The following MAP3K10 variants were observed in gnomAD, a reference collection of about 807,000 sequenced individuals.
MAP3K10 encodes MKN28 derived nonreceptor_type serine/threonine kinase.
Under a neutral mutation model 75.0 loss-of-function variants are expected in MAP3K10, and 22 were observed. That is an observed-to-expected ratio of 0.29 (90% confidence interval 0.21 to 0.42). The LOEUF is 0.42. Among genes scored for constraint, MAP3K10 ranks in the 10% least tolerant of loss-of-function variants. MAP3K10 has a pLI of 1.00. For synonymous variants in MAP3K10, 599 were observed against 612.9 expected (o/e 0.98, Z 0.34); for missense variants, 1,165 against 1,379.8 (o/e 0.84, Z 2.47).
chr19:40,206,049 T>C lies in MAP3K10; in HGVS notation c.1327T>C (p.Cys443Arg). 6.2e-7 allele frequency: 1 copy of C among 1,613,488 alleles called. No homozygotes were observed. ...IVERELHLLM[C>R]QLSQEKPRVR... is the part of the protein sequence containing the mutation. Reference sequence around the variant, plus strand: ...GGAACGGGAGCTGCACCTGCTCATGTGCCAGCTGAGCCAGGAGAAGCCCCG... The same window carrying C: ...GGAACGGGAGCTGCACCTGCTCATGCGCCAGCTGAGCCAGGAGAAGCCCCG... The change falls in exon 5 of 10, where the codon TGC becomes CGC. Residue 443 changes from cysteine (C) to arginine (R), a missense_variant. Physicochemically the swap from Cys to Arg is radical, Grantham distance 180. Transcript: ENST00000253055.
At position 40,213,815 on chromosome 19, in the gene MAP3K10, C is replaced by G; in HGVS notation, c.2136C>G (p.Pro712=). ...QRRWLDGLFF[P]RAGRFPRGLS... ...GCTGGCTCGACGGCCTCTTCTTTCCCCGCGCCGGCCGCTTCCCGCGGGGCC... is the reference window on the plus strand; with the variant it reads ...GCTGGCTCGACGGCCTCTTCTTTCCGCGCGCCGGCCGCTTCCCGCGGGGCC... Residue 712 remains proline (P), a synonymous_variant, in exon 9 of 10, where the codon CCC becomes CCG. Transcript: ENST00000253055. The surrounding 1 kb of genome is among the most constrained non-coding windows in gnomAD (Gnocchi z 5.7). 2 of 1,293,786 alleles carry G rather than the reference C, an allele frequency of 1.5e-6. No homozygotes were observed. Among genetic ancestry groups the G allele is most frequent in the East Asian group, 7.8e-5 (2 of 25,658 alleles). The allele number at this position is 1,293,786 out of a possible 1,614,324, so 80.1% of individuals were successfully genotyped here.
At position 40,213,108 on chromosome 19, in the gene MAP3K10, G is replaced by A. The variant is rs1973271442; in HGVS notation, c.1757G>A (p.Trp586Ter). Residue 586 changes from tryptophan (W) to a stop codon, truncating the protein, a stop_gained, in exon 8 of 10, where the codon TGG (tryptophan) becomes TAG (stop). Transcript: ENST00000253055. LOFTEE classifies it high-confidence loss of function. This position sits in a 1 kb window ranked among gnomAD's most constrained non-coding sequence, Gnocchi z 5.7. ...LKGLGEGSKQ[W>*]SSSAPNLGKS... is the part of the protein sequence containing the mutation. ...GGGCTGGGGGAAGGAAGCAAACAGT[G>A]GTCATCAAGTGCCCCCAACCTGGGC... 2 of 1,605,690 alleles carry A rather than the reference G, an allele frequency of 1.2e-6. No individual in the cohort carries two copies. The highest frequency in any genetic ancestry group is 1.7e-6 in the Non-Finnish European group (2 of 1,176,900).
chr19:40,212,840 A>G lies in MAP3K10; in HGVS notation c.1588A>G (p.Ser530Gly). 2 of 1,603,216 alleles carry G rather than the reference A, an allele frequency of 1.2e-6. No individual in the cohort carries two copies. ...GGACTGTGGTGGCAGCAGCAGTGGCAGCAGCAGTGGAGGAAGTGGGACATG... is the reference window on the plus strand; with the variant it reads ...GGACTGTGGTGGCAGCAGCAGTGGCGGCAGCAGTGGAGGAAGTGGGACATG... The part of the protein sequence containing the change: ...PVDCGGSSSG[S>G]SSGGSGTWSR... The change falls in exon 7 of 10, where the codon AGC (serine) becomes GGC (glycine). Residue 530 changes from serine to glycine, a missense_variant. Physicochemically the swap from Ser to Gly is moderately conservative, Grantham distance 56. This residue lies in a region of MAP3K10 where 575 missense variants were observed against 793.2 expected (regional missense o/e 0.72). Transcript: ENST00000253055. This position sits in a 1 kb window ranked among gnomAD's most constrained non-coding sequence, Gnocchi z 4.2.
At position 40,215,521 on chromosome 19, in the gene MAP3K10, G is replaced by A. The variant is rs2145104739; in HGVS notation, c.*229G>A. On this transcript the variant is annotated 3_prime_UTR_variant, in exon 10 of 10. Coordinates refer to ENST00000253055, the MANE Select transcript of MAP3K10 (RefSeq NM_002446.4). ...GTGGGCAGGGATACTCAGGGACAGG[G>A]CATCATGGGGGATTTGGCACAAAAT... The A allele has an allele frequency of 1.8e-6, 1 of 545,678 alleles. No individual in the cohort carries two copies. Among genetic ancestry groups the A allele is most frequent in the Non-Finnish European group, 3.3e-6 (1 of 307,052 alleles). 33.8% of individuals were successfully genotyped at this position (545,678 alleles called of 1,614,324 possible). A position where few individuals can be genotyped will look rare whatever the true frequency, so the allele number is the denominator to read the frequency against.
chr19:40,201,070 C>G (rs1006384321), intron 2 of MAP3K10, among the ~76,000 whole-genome samples: 1 of 152,084 alleles, frequency 6.6e-6, no homozygotes, highest in Non-Finnish European at 1.5e-5. Flanking sequence ...GTGGATCATG[C>G]TACCCTCCAG....
intron 5 of MAP3K10, 23 bp downstream of exon 5, chr19:40,206,180 C>T (rs765702617): frequency 6.4e-6 from 10 of 1,571,954 alleles, no homozygotes; most frequent in Non-Finnish European, 7.8e-6. Flanking sequence ...GTCCCCAGAG[C>T]GCCCCCCAAG....
Position 40,213,860 on chromosome 19 carries a change from C to G in MAP3K10, c.2181C>G (p.Pro727=). The change falls in exon 9 of 10, where the codon CCC becomes CCG. Residue 727 remains proline, a synonymous_variant. Transcript: ENST00000253055. The surrounding 1 kb of genome is among the most constrained non-coding windows in gnomAD (Gnocchi z 5.7). The part of the protein sequence containing the change: ...FPRGLSPPAR[P]HGRREDVGPG... ...GGGGCCTCAGCCCACCCGCGCGTCCCCACGGCCGCCGCGAAGACGTGGGCC... is the reference window on the plus strand; with the variant it reads ...GGGGCCTCAGCCCACCCGCGCGTCCGCACGGCCGCCGCGAAGACGTGGGCC... 1 of 1,401,044 alleles carries G rather than the reference C, an allele frequency of 7.1e-7. No homozygotes were observed. The highest frequency in any genetic ancestry group is 9.2e-7 in the Non-Finnish European group (1 of 1,083,982). The allele number at this position is 1,401,044 out of a possible 1,614,324, so 86.8% of individuals were successfully genotyped here. A position where few individuals can be genotyped will look rare whatever the true frequency, so the allele number is the denominator to read the frequency against.
rs200291216 is a variant in MAP3K10 at position 40,213,621 on chromosome 19, G to A, written c.1942G>A (p.Ala648Thr). 9.7e-4 allele frequency: 1,497 copies of A among 1,545,090 alleles called. 10 individuals are homozygous for A. The African/African-American group carries it at 0.017, about 17-fold the overall frequency. The change falls in exon 9 of 10, where the codon GCG (alanine) becomes ACG (threonine). Residue 648 changes from alanine to threonine, a missense_variant. Ala to Thr is a moderately conservative substitution (Grantham distance 58, BLOSUM62 0). This residue lies in a region of MAP3K10 where 590 missense variants were observed against 586.6 expected (regional missense o/e 1.01). Coordinates refer to ENST00000253055, the MANE Select transcript of MAP3K10 (RefSeq NM_002446.4). The surrounding 1 kb of genome is among the most constrained non-coding windows in gnomAD (Gnocchi z 5.7). ...VPLPAEPSPGARAPWEPTPSA... is the reference protein window; with the variant it reads ...VPLPAEPSPGTRAPWEPTPSA... ...ACTGCCTGCCGAGCCCTCCCCGGGGGCGCGGGCGCCGTGGGAGCCGACGCC... is the reference window on the plus strand; with the variant it reads ...ACTGCCTGCCGAGCCCTCCCCGGGGACGCGGGCGCCGTGGGAGCCGACGCC...
Position 40,205,143 on chromosome 19 carries a change from C to A in MAP3K10, c.1035C>A (p.His345Gln). 1 of 1,613,428 alleles carries A rather than the reference C, an allele frequency of 6.2e-7. No individual in the cohort carries two copies. The change falls in exon 4 of 10, where the codon CAC becomes CAA. Residue 345 changes from histidine (H) to glutamine (Q), a missense_variant. His to Gln is a conservative substitution (Grantham distance 24). This residue lies in a region of MAP3K10 where 575 missense variants were observed against 793.2 expected (regional missense o/e 0.72). Transcript: ENST00000253055. This position sits in a 1 kb window ranked among gnomAD's most constrained non-coding sequence, Gnocchi z 4.3. ...CAGAATGCTGGGACCCAGACCCCCACGGGCGGCCAGATTTCGGTAGCATCT... is the reference window on the plus strand; with the variant it reads ...CAGAATGCTGGGACCCAGACCCCCAAGGGCGGCCAGATTTCGGTAGCATCT... ...LLEECWDPDP[H>Q]GRPDFGSILK...
chr19:40,204,828 G>C lies in MAP3K10; in HGVS notation c.1012+195G>C. On this transcript the variant is annotated intron_variant, in intron 3 of 9. Transcript: ENST00000253055. This position sits in a 1 kb window ranked among gnomAD's most constrained non-coding sequence, Gnocchi z 4.3. ...CACATCCCAGCCCTTGTTTGGGCCAGGCCCAGAGCTCTCAGGACAACCTGT... is the reference window on the plus strand; with the variant it reads ...CACATCCCAGCCCTTGTTTGGGCCACGCCCAGAGCTCTCAGGACAACCTGT... The C allele has an allele frequency of 1.4e-6, 1 of 696,992 alleles. No individual in the cohort carries two copies. The highest frequency in any genetic ancestry group is 2.3e-6 in the Non-Finnish European group (1 of 427,128). The allele number at this position is 696,992 out of a possible 1,614,324, so 43.2% of individuals were successfully genotyped here.
chr19:40,192,491 C>A lies in MAP3K10; in HGVS notation c.460C>A (p.His154Asn). 1 of 1,613,846 alleles carries A rather than the reference C, an allele frequency of 6.2e-7. No homozygotes were observed. The highest frequency in any genetic ancestry group is 8.5e-7 in the Non-Finnish European group (1 of 1,179,990). ...QEARLFGALQ[H>N]PNIIALRGAC... The stretch of plus-strand genomic sequence containing the variant: ...AGCCCGGCTCTTTGGAGCCCTGCAG[C>A]ACCCCAACATAATTGCCCTTAGGGG... The change falls in exon 1 of 10, where the codon CAC becomes AAC. Residue 154 changes from histidine to asparagine, a missense_variant. Physicochemically the swap from His to Asn is moderately conservative, Grantham distance 68. Around this residue, in one of 2 missense-constraint regions of MAP3K10, gnomAD observed 575 missense variants for 793.2 expected, o/e 0.72. Transcript: ENST00000253055. The surrounding 1 kb of genome is among the most constrained non-coding windows in gnomAD (Gnocchi z 7.1).
In MAP3K10 at chr19:40,214,002, T is replaced by TGCCCCCCCCC; in HGVS notation, c.2323_2324insGCCCCCCCCC (p.Ser775CysfsTer80). The TGCCCCCCCCC allele has an allele frequency of 1.3e-6, 2 of 1,493,668 alleles. No homozygotes were observed. Among genetic ancestry groups the TGCCCCCCCCC allele is most frequent in the Admixed American group, 2.1e-5 (1 of 47,034 alleles). The allele number at this position is 1,493,668 out of a possible 1,614,324, so 92.5% of individuals were successfully genotyped here. On this transcript the variant is annotated frameshift_variant, in exon 9 of 10. Coordinates refer to ENST00000253055, the MANE Select transcript of MAP3K10 (RefSeq NM_002446.4). LOFTEE classifies it high-confidence loss of function. Reference sequence around the variant, plus strand: ...TGACGAGGCCGCACCGGCCGCGCCCTCCCCACCACCCTCCCCGCCCGCGCC... The same window carrying TGCCCCCCCCC: ...TGACGAGGCCGCACCGGCCGCGCCCTGCCCCCCCCCCCCCACCACCCTCCCCGCCCGCGCC...
Position 40,214,206 on chromosome 19 carries a change from G to C in MAP3K10, c.2527G>C (p.Ala843Pro), listed in dbSNP as rs1216960276. 7.0e-7 allele frequency: 1 copy of C among 1,423,524 alleles called. No homozygotes were observed. Among genetic ancestry groups the C allele is most frequent in the South Asian group, 1.5e-5 (1 of 66,906 alleles). 88.2% of individuals were successfully genotyped at this position (1,423,524 alleles called of 1,614,324 possible). Residue 843 changes from alanine (A) to proline (P), a missense_variant, in exon 9 of 10, where the codon GCG (alanine) becomes CCG (proline). Physicochemically the swap from Ala to Pro is conservative, Grantham distance 27 (BLOSUM62 -1). Coordinates refer to ENST00000253055, the MANE Select transcript of MAP3K10 (RefSeq NM_002446.4). ...GGGGCAGCGGGGGCCGCCCGAGCCC[G>C]CGGGCCATGGCCCTGGTGAGTGAGG... Reference protein sequence around the residue: ...ALGQRGPPEPAGHGPGPRDLL... With the variant: ...ALGQRGPPEPPGHGPGPRDLL...
chr19:40,211,497 A>G (rs901281608), intron 6 of MAP3K10, among the ~76,000 whole-genome samples: 1 of 151,708 alleles, frequency 6.6e-6, no homozygotes, highest in African/African-American at 2.4e-5. Flanking sequence ...AAGCCCATGC[A>G]TTAGCTATTT....
Position 40,191,716 on chromosome 19 carries a change from C to G in MAP3K10, c.-316C>G, listed in dbSNP as rs1465516509. On this transcript the variant is annotated 5_prime_UTR_variant, in exon 1 of 10. Coordinates refer to ENST00000253055, the MANE Select transcript of MAP3K10 (RefSeq NM_002446.4). ...TGCCGCCCTCGCCCTCGTCCCCCAC[C>G]GGCGGACCCCGGCGGGCATTCGAGA... 6 of 257,028 alleles carry G rather than the reference C, an allele frequency of 2.3e-5. No homozygotes were observed. The highest frequency in any genetic ancestry group is 1.7e-4 in the South Asian group (1 of 5,886). 15.9% of individuals were successfully genotyped at this position (257,028 alleles called of 1,614,324 possible).
At position 40,191,635 on chromosome 19, in the gene MAP3K10, C is replaced by A. The variant is rs1237773986; in HGVS notation, c.-397C>A. On this transcript the variant is annotated 5_prime_UTR_variant, in exon 1 of 10. Coordinates refer to ENST00000253055, the MANE Select transcript of MAP3K10 (RefSeq NM_002446.4). ...GGCAGTCGTGGCCCGGGATGCGGAG[C>A]CGGGGGCCGCCGGTGGAGCTGCGCG... The A allele has an allele frequency of 1.3e-5, 2 of 150,600 alleles. No individual in the cohort carries two copies. Among genetic ancestry groups the A allele is most frequent in the Non-Finnish European group, 2.9e-5 (2 of 67,936 alleles). 9.3% of individuals were successfully genotyped at this position (150,600 alleles called of 1,614,324 possible). A position where few individuals can be genotyped will look rare whatever the true frequency, so the allele number is the denominator to read the frequency against.
chr19:40,197,016 G>A (rs1972919477), intron 1 of MAP3K10, among the ~76,000 whole-genome samples: 4 of 152,164 alleles, frequency 2.6e-5, no homozygotes, highest in Admixed American at 2.6e-4. Context: ...CGATCATGCT[G>A]TGTAATAAGC....
In MAP3K10 at chr19:40,212,073, C is replaced by T. The variant is rs941719681; in HGVS notation, c.1553-732C>T. 7.9e-5 allele frequency among the ~76,000 whole-genome samples: 12 copies of T among 152,132 alleles called. No homozygotes were observed. Among genetic ancestry groups the T allele is most frequent in the African/African-American group, 2.4e-4 (10 of 41,424 alleles). On this transcript the variant is annotated intron_variant, in intron 6 of 9. Coordinates refer to ENST00000253055, the MANE Select transcript of MAP3K10 (RefSeq NM_002446.4). The surrounding 1 kb of genome is among the most constrained non-coding windows in gnomAD (Gnocchi z 4.2). Reference sequence around the variant, plus strand: ...CCCTGGGGCAGCCCCCAGAGCCATGCGAGCAAGGCACTGAGGGAATCAAAT... The same window carrying T: ...CCCTGGGGCAGCCCCCAGAGCCATGTGAGCAAGGCACTGAGGGAATCAAAT...
intron 2 of MAP3K10, among the ~76,000 whole-genome samples, chr19:40,202,732 A>G (rs989345493): frequency 1.3e-5 from 2 of 152,060 alleles, no homozygotes; most frequent in Admixed American, 1.3e-4. Flanking sequence ...TGCAGCCTTG[A>G]ACTCTTGGGC....
Sources: gnomAD v4.1 joint callset for allele counts (sites outside exome capture counted in the v4.1 genomes callset) on GRCh38, gnomAD v4.1.1 for gene constraint, gnomAD v4.1.1 regional missense constraint, Gnocchi (gnomAD v3.1) non-coding constraint, MANE v1.5 for transcripts, NCBI Gene and HGNC (gene_info 2026-07-23, HGNC 2026-07-21) for gene names.